The following GABBR2 variants were observed in gnomAD, a reference collection of about 807,000 sequenced individuals.
The protein encoded by GABBR2 is G-protein coupled receptor 51.
In GABBR2, 23 loss-of-function variants were observed where a neutral mutation model predicts 105.6. The observed-to-expected ratio is 0.22, with a 90% CI of 0.16 to 0.31. The LOEUF (loss-of-function observed/expected upper bound fraction) is 0.31, where lower values mean the gene tolerates loss of function less well. GABBR2 is among the 10% of genes least tolerant of loss of function. The pLI is 1.00. For synonymous variants in GABBR2, 478 were observed against 499.7 expected, an observed-to-expected ratio of 0.96 and a Z score of 0.58; for missense variants, 734 against 1,245.5, an observed-to-expected ratio of 0.59 and a Z score of 6.18.
At chr9:98,314,561 C>T (rs1012436000) in intron 13 of GABBR2, among the ~76,000 whole-genome samples, 1 of 152,168 alleles carries the variant, frequency 6.6e-6, no homozygotes, top group African/African-American at 2.4e-5. Context: ...ACTGACAAGG[C>T]TTGCCTGGCT....
At chr9:98,634,504 C>T (rs563833739) in intron 1 of GABBR2, among the ~76,000 whole-genome samples, 8 of 152,166 alleles carry the variant, frequency 5.3e-5, no homozygotes, top group Non-Finnish European at 8.8e-5. Flanking sequence ...TGAAGAAGGC[C>T]GCTTGAGGAC....
chr9:98,356,400 G>T (rs988080930), intron 13 of GABBR2, among the ~76,000 whole-genome samples: 5 of 152,154 alleles, frequency 3.3e-5, no homozygotes, highest in Admixed American at 2.6e-4. Flanking sequence ...TGGCAAATAA[G>T]CATATGAAAA....
chr9:98,577,228 A>ATGGATGGTTAGGCGAATGGATGGGT (rs769775744), intron 2 of GABBR2, among the ~76,000 whole-genome samples: 1 of 151,132 alleles, frequency 6.6e-6, no homozygotes, highest in Non-Finnish European at 1.5e-5. Context: ...GGATGGATGG[A>ATGGATGGTTAGGCGAATGGATGGGT]GCAAAAAAGT....
At chr9:98,416,093 G>A (rs531544146) in intron 7 of GABBR2, among the ~76,000 whole-genome samples, 6 of 152,232 alleles carry the variant, frequency 3.9e-5, no homozygotes, top group African/African-American at 7.2e-5. Context: ...GCCAATTTCC[G>A]TGGTGTAAAT....
At chr9:98,386,333 G>C (rs1460782580) in intron 10 of GABBR2, among the ~76,000 whole-genome samples, 1 of 151,170 alleles carries the variant, frequency 6.6e-6, no homozygotes, top group East Asian at 1.9e-4. Flanking sequence ...CCCCAGCCTT[G>C]AGTAGACCAT....
chr9:98,492,967 G>T (rs1827209451), intron 4 of GABBR2, among the ~76,000 whole-genome samples: 1 of 152,150 alleles, frequency 6.6e-6, no homozygotes. Context: ...AACTTAAGAA[G>T]TGTGTAGTTA....
At chr9:98,678,140 A>C (rs977826377) in intron 1 of GABBR2, among the ~76,000 whole-genome samples, 1 of 152,212 alleles carries the variant, frequency 6.6e-6, no homozygotes, top group Non-Finnish European at 1.5e-5. Flanking sequence ...GACTAAATGA[A>C]GAGTGCACCA....
chr9:98,421,451 A>G (rs1468543173), intron 7 of GABBR2, among the ~76,000 whole-genome samples: 1 of 152,046 alleles, frequency 6.6e-6, no homozygotes, highest in East Asian at 1.9e-4. Flanking sequence ...TAAAATTAAA[A>G]CTTTACTTTT....
intron 1 of GABBR2, among the ~76,000 whole-genome samples, chr9:98,654,201 G>T (rs1468670505): frequency 6.6e-6 from 1 of 152,168 alleles, no homozygotes. Context: ...GCAATTGTGG[G>T]TGTCCACTCT....
rs376889851 is a variant in GABBR2, at chr9:98,299,208, G to A, written c.2542+16C>T. On this transcript the variant is annotated intron_variant, in intron 17 of 18. Transcript: ENST00000259455. Reference sequence around the variant, plus strand: ...ACCAAGGTCCCTACCACATTCTGGGGCCCTGGCTCTCTTACCTGTGCTCTC... The same window carrying A: ...ACCAAGGTCCCTACCACATTCTGGGACCCTGGCTCTCTTACCTGTGCTCTC... 1.2e-6 allele frequency: 2 copies of A among 1,611,726 alleles called. No homozygotes were observed. Among genetic ancestry groups the A allele is most frequent in the African/African-American group, 2.7e-5 (2 of 74,882 alleles).
At chr9:98,511,570 G>C (rs1467176002) in intron 3 of GABBR2, among the ~76,000 whole-genome samples, 2 of 151,302 alleles carry the variant, frequency 1.3e-5, no homozygotes, top group Admixed American at 6.6e-5. Flanking sequence ...AATGATAAAG[G>C]GGATATCACC....
intron 2 of GABBR2, among the ~76,000 whole-genome samples, chr9:98,558,781 T>C (rs16917111): frequency 0.04 from 6,162 of 152,268 alleles, 240 homozygotes; most frequent in African/African-American, 0.095. Context: ...ACAAAGTCCA[T>C]TGACACCGAG....
chr9:98,426,498 C>T (rs1404636246), intron 7 of GABBR2, among the ~76,000 whole-genome samples: 1 of 152,178 alleles, frequency 6.6e-6, no homozygotes, highest in Non-Finnish European at 1.5e-5. Context: ...TTTGATGAGT[C>T]ACCAGTTGAG....
chr9:98,537,194 G>A (rs1032470773), intron 3 of GABBR2, among the ~76,000 whole-genome samples: 1 of 152,170 alleles, frequency 6.6e-6, no homozygotes, highest in Admixed American at 6.5e-5. Context: ...ATCCATACAA[G>A]GGATTACCAC....
Position 98,586,994 on chromosome 9 carries a change from G to A in GABBR2, c.322-8922C>T, listed in dbSNP as rs117818554. 1.7e-3 allele frequency among the ~76,000 whole-genome samples: 252 copies of A among 152,272 alleles called. 4 individuals are homozygous for A. The East Asian group carries it at 0.034, about 20-fold the overall frequency. Reference sequence around the variant, plus strand: ...GGAAATTGAATTGTTGAATCATAGCGTTTGCTGCATGTTCTCTAAGTGGTT... The same window carrying A: ...GGAAATTGAATTGTTGAATCATAGCATTTGCTGCATGTTCTCTAAGTGGTT... On this transcript the variant is annotated intron_variant, in intron 1 of 18. Transcript: ENST00000259455.
Position 98,349,344 on chromosome 9 carries a change from G to GTTTTTTTTTTTTTTTTTTTTTTTTTTTTT in GABBR2, c.1893+13370_1893+13371insAAAAAAAAAAAAAAAAAAAAAAAAAAAAA, listed in dbSNP as rs1564026872. Among the ~76,000 whole-genome samples, 4 of 105,504 alleles carry GTTTTTTTTTTTTTTTTTTTTTTTTTTTTT rather than the reference G, an allele frequency of 3.8e-5. 1 individual carries two copies. The highest frequency in any genetic ancestry group is 8.0e-5 in the African/African-American group (2 of 24,916). 69.2% of individuals were successfully genotyped at this position (105,504 alleles called of 152,430 possible). ...TTTGGTTTGCCAATATTTTGTTGAA[G>GTTTTTTTTTTTTTTTTTTTTTTTTTTTTT]TTTTGTTTTTTTTTTTTTTTTTTTT... On this transcript the variant is annotated intron_variant, in intron 13 of 18. Transcript: ENST00000259455.
chr9:98,561,352 A>G (rs1219252431), intron 2 of GABBR2, among the ~76,000 whole-genome samples: 3 of 152,068 alleles, frequency 2.0e-5, no homozygotes, highest in Non-Finnish European at 4.4e-5. Flanking sequence ...CTAGTACCCA[A>G]ATGTTGGTTT....
chr9:98,665,941 T>A lies in GABBR2; in HGVS notation c.321+42476A>T, dbSNP rs566904869. Among the ~76,000 whole-genome samples the A allele has an allele frequency of 4.7e-4, 71 of 152,342 alleles. 2 individuals carry two copies. The highest frequency in any genetic ancestry group is 1.6e-3 in the African/African-American group (67 of 41,582). On this transcript the variant is annotated intron_variant, in intron 1 of 18. Transcript: ENST00000259455. ...ACTGTAATCTACACCTATTCTGGTA[T>A]GGTTTACCTGTCCTGCCCAAAGAGC...
intron 3 of GABBR2, among the ~76,000 whole-genome samples, chr9:98,510,280 T>C (rs1195637100): frequency 6.6e-6 from 1 of 151,952 alleles, no homozygotes; most frequent in Non-Finnish European, 1.5e-5. Flanking sequence ...GCACTAAACA[T>C]GGAAAGGAAC....
Sources: gnomAD v4.1 joint callset for allele counts (sites outside exome capture counted in the v4.1 genomes callset) on GRCh38, gnomAD v4.1.1 for gene constraint, MANE v1.5 for transcripts, NCBI Gene and HGNC (gene_info 2026-07-23, HGNC 2026-07-21) for gene names.